Variants in CAMTA1 observed in about 807,000 individuals in gnomAD.
CAMTA1 encodes calmodulin binding transcription activator 1.
Under a neutral mutation model 170.9 loss-of-function variants are expected in CAMTA1, and 27 were observed. That is an observed-to-expected ratio of 0.16 (90% CI 0.12 to 0.22). CAMTA1 has a LOEUF of 0.22. Among genes scored for constraint, CAMTA1 ranks in the 10% least tolerant of loss-of-function variants. The pLI, the probability that CAMTA1 is intolerant of heterozygous loss-of-function variation, is 1.00. For synonymous variants in CAMTA1, 833 were observed against 891.5 expected (o/e 0.93, Z 1.17); for missense variants, 1,619 against 2,217.2 (o/e 0.73, Z 5.42).
intron 5 of CAMTA1, among the ~76,000 whole-genome samples, chr1:7,354,041 G>A (rs1377438160): frequency 6.6e-6 from 1 of 152,108 alleles, no homozygotes; most frequent in Non-Finnish European, 1.5e-5. Context: ...AATTTGCTTA[G>A]GATTATGGCC....
intron 5 of CAMTA1, among the ~76,000 whole-genome samples, chr1:7,398,275 A>G (rs1181012453): frequency 7.3e-6 from 1 of 137,106 alleles, no homozygotes; most frequent in Non-Finnish European, 1.6e-5. Flanking sequence ...TGTTGGGTGC[A>G]TGTGTATTTA....
At chr1:7,040,222 G>C (rs966008864) in intron 3 of CAMTA1, among the ~76,000 whole-genome samples, 5 of 151,092 alleles carry the variant, frequency 3.3e-5, no homozygotes, top group Non-Finnish European at 7.4e-5. Flanking sequence ...AAAGCTGCCA[G>C]CATATTTCAA....
At chr1:6,977,009 A>T (rs1222428875) in intron 3 of CAMTA1, among the ~76,000 whole-genome samples, 1 of 152,112 alleles carries the variant, frequency 6.6e-6, no homozygotes, top group East Asian at 1.9e-4. Context: ...TTTCACCATG[A>T]TTGTGAGGCC....
intron 5 of CAMTA1, among the ~76,000 whole-genome samples, chr1:7,417,854 G>A (rs769537103): frequency 2.5e-4 from 38 of 152,130 alleles, no homozygotes; most frequent in South Asian, 2.1e-4. Context: ...GAAATCACCC[G>A]TCTTCTGTGT....
At position 7,682,903 on chromosome 1, in the gene CAMTA1, G is replaced by T. The variant is rs2096222989; in HGVS notation, c.2914+5170G>T. ...ATACACAGAGTTGGCTGGGTGCGGT[G>T]GCTCACGCCTGTGATCCCAGCACTT... On this transcript the variant is annotated intron_variant, in intron 11 of 22. Transcript: ENST00000303635. This position sits in a 1 kb window ranked among gnomAD's most constrained non-coding sequence, Gnocchi z 5.0. Among the ~76,000 whole-genome samples, 1 of 152,236 alleles carries T rather than the reference G, an allele frequency of 6.6e-6. No individual in the cohort carries two copies. Among genetic ancestry groups the T allele is most frequent in the South Asian group, 2.1e-4 (1 of 4,828 alleles).
At chr1:7,576,552 GCCTCA>G (rs1374645349) in intron 6 of CAMTA1, among the ~76,000 whole-genome samples, 1 of 152,192 alleles carries the variant, frequency 6.6e-6, no homozygotes, top group Admixed American at 6.5e-5. Flanking sequence ...CCAGGAAGGG[GCCTCA>G]CCAGACACTG....
chr1:6,894,740 A>T (rs772346657), intron 3 of CAMTA1, among the ~76,000 whole-genome samples: 12 of 152,274 alleles, frequency 7.9e-5, no homozygotes, highest in Non-Finnish European at 1.6e-4. Context: ...TCACTGGACT[A>T]GCTATTTTAA....
chr1:7,350,525 C>T (rs569915787), intron 5 of CAMTA1, among the ~76,000 whole-genome samples: 2 of 152,334 alleles, frequency 1.3e-5, no homozygotes, highest in South Asian at 4.1e-4. Context: ...CTGCTAGAAG[C>T]CAGCCGTGTG....
intron 5 of CAMTA1, among the ~76,000 whole-genome samples, chr1:7,383,878 C>T (rs2149082582): frequency 6.6e-6 from 1 of 152,250 alleles, no homozygotes; most frequent in South Asian, 2.1e-4. Flanking sequence ...CACCATGTGC[C>T]AATGACACCC....
At chr1:7,504,345 G>A (rs1300282343) in intron 6 of CAMTA1, among the ~76,000 whole-genome samples, 3 of 152,252 alleles carry the variant, frequency 2.0e-5, no homozygotes, top group African/African-American at 7.2e-5. Flanking sequence ...CAGGCTTGGA[G>A]AATGTGTCCA....
intron 3 of CAMTA1, among the ~76,000 whole-genome samples, chr1:6,868,907 T>C (rs1455009756): frequency 6.6e-6 from 1 of 152,240 alleles, no homozygotes; most frequent in East Asian, 1.9e-4. Flanking sequence ...TTGTATCCTA[T>C]GCAAGGTTTT....
At chr1:7,090,112 T>C (rs1414436338) in intron 3 of CAMTA1, among the ~76,000 whole-genome samples, 2 of 152,160 alleles carry the variant, frequency 1.3e-5, no homozygotes, top group Non-Finnish European at 2.9e-5. Flanking sequence ...GGCTGCCTTG[T>C]GGTGGCCGGC....
At chr1:7,467,678 G>C (rs531823965) in intron 5 of CAMTA1, 152 bp from the exon 6 acceptor site, 1 of 768,090 alleles carries the variant, frequency 1.3e-6, no homozygotes, top group Non-Finnish European at 2.3e-6. Context: ...CCTTAGTCTT[G>C]GAGCTGGAGC....
chr1:7,330,003 T>C (rs1169744311), intron 5 of CAMTA1, among the ~76,000 whole-genome samples: 2 of 152,206 alleles, frequency 1.3e-5, no homozygotes, highest in Non-Finnish European at 2.9e-5. Context: ...CAGGCTGTTC[T>C]TGGGGCACCT....
intron 3 of CAMTA1, among the ~76,000 whole-genome samples, chr1:7,025,558 T>C (rs1701908539): frequency 6.6e-6 from 1 of 152,220 alleles, no homozygotes; most frequent in Non-Finnish European, 1.5e-5. Flanking sequence ...AGTGCAACTC[T>C]GTGCCAGGCA....
intron 3 of CAMTA1, among the ~76,000 whole-genome samples, chr1:7,046,062 G>A (rs546277843): frequency 6.6e-6 from 1 of 152,192 alleles, no homozygotes; most frequent in East Asian, 1.9e-4. Context: ...GTTGGGAGGG[G>A]ACCCCTTCAT....
chr1:7,663,973 A>C lies in CAMTA1; in HGVS notation c.1426A>C (p.Ile476Leu). The C allele has an allele frequency of 6.2e-7, 1 of 1,613,892 alleles. No homozygotes were observed. The highest frequency in any genetic ancestry group is 8.5e-7 in the Non-Finnish European group (1 of 1,180,036). ...LSTTLDGGRK[I>L]PETTMNFDPD... Reference sequence around the variant, plus strand: ...CACCACCCTCGACGGTGGCCGGAAGATTCCAGAAACCACCATGAACTTTGA... The same window carrying C: ...CACCACCCTCGACGGTGGCCGGAAGCTTCCAGAAACCACCATGAACTTTGA... Residue 476 changes from isoleucine to leucine, a missense_variant, in exon 9 of 23, where the codon ATT becomes CTT. By Grantham distance (5) the Ile-to-Leu change is conservative. Transcript: ENST00000303635.
chr1:7,674,068 G>T lies in CAMTA1; in HGVS notation c.2779+3031G>T, dbSNP rs2096087338. 6.6e-6 allele frequency among the ~76,000 whole-genome samples: 1 copy of T among 152,110 alleles called. No homozygotes were observed. On this transcript the variant is annotated intron_variant, in intron 10 of 22. Transcript: ENST00000303635. The surrounding 1 kb of genome is among the most constrained non-coding windows in gnomAD (Gnocchi z 4.1). The stretch of plus-strand genomic sequence containing the variant: ...AACACTTGGAAGTCAGAATCAAACT[G>T]GCCTCACCAAAAAGAGAGGCTCAGA...
At chr1:7,139,430 C>T (rs997099673) in intron 4 of CAMTA1, among the ~76,000 whole-genome samples, 3 of 151,192 alleles carry the variant, frequency 2.0e-5, no homozygotes, top group African/African-American at 4.9e-5. Context: ...AAACCCTCTC[C>T]GAGGCTGTGG....
Sources: gnomAD v4.1 joint callset for allele counts (sites outside exome capture counted in the v4.1 genomes callset) on GRCh38, gnomAD v4.1.1 for gene constraint, Gnocchi (gnomAD v3.1) non-coding constraint, MANE v1.5 for transcripts, NCBI Gene and HGNC (gene_info 2026-07-23, HGNC 2026-07-21) for gene names.